LNPEP: variants seen among roughly 807,000 people sequenced by gnomAD.
The protein encoded by LNPEP is leucyl-cystinyl aminopeptidase.
LNPEP carries 64 observed loss-of-function variants against 120.6 expected under a neutral mutation model. The observed-to-expected ratio is 0.53, with a 90% CI of 0.43 to 0.65. The LOEUF (loss-of-function observed/expected upper bound fraction) is 0.65, where lower values mean the gene tolerates loss of function less well. Ranked by LOEUF, LNPEP falls within the 30% of genes least tolerant of loss-of-function variation. The pLI is 0.00. For missense variants in LNPEP, 1,057 were observed against 1,200.0 expected, an observed-to-expected ratio of 0.88 and a Z score of 1.76; for synonymous variants, 435 against 425.4, an observed-to-expected ratio of 1.02 and a Z score of -0.28.
intron 1 of LNPEP, among the ~76,000 whole-genome samples, chr5:96,939,564 A>T (rs1187717146): frequency 6.7e-6 from 1 of 150,366 alleles, no homozygotes; most frequent in Non-Finnish European, 1.5e-5. Flanking sequence ...AAAGGTTGGT[A>T]TTTTGGCATT....
At chr5:96,942,293 A>G (rs1377967543) in intron 1 of LNPEP, 1 of 152,194 alleles carries the variant, frequency 6.6e-6, no homozygotes, top group African/African-American at 2.4e-5. Context: ...CGCTCTCACC[A>G]AAAAACAGGT....
intron 13 of LNPEP, among the ~76,000 whole-genome samples, chr5:97,017,337 T>C (rs550966088): frequency 6.6e-6 from 1 of 152,264 alleles, no homozygotes; most frequent in Non-Finnish European, 1.5e-5. Flanking sequence ...TTTTTCTTGT[T>C]GATTTGTAAG....
At chr5:97,006,399 C>T in intron 10 of LNPEP, 28 bp from the exon 11 acceptor site, 1 of 1,374,764 alleles carries the variant, frequency 7.3e-7, no homozygotes, top group Non-Finnish European at 1.0e-6. Flanking sequence ...TCATATGTAA[C>T]TAATTTTCCA....
At chr5:97,008,707 C>G (rs911941527) in intron 11 of LNPEP, among the ~76,000 whole-genome samples, 54 of 135,058 alleles carry the variant, frequency 4.0e-4, no homozygotes, top group Admixed American at 9.4e-4. Flanking sequence ...CTCTGTTGCC[C>G]AGGTGAGAGT....
Position 97,029,759 on chromosome 5 carries a change from C to A in LNPEP, c.*1226C>A, listed in dbSNP as rs528639972. 1 of 151,882 alleles carries A rather than the reference C, an allele frequency of 6.6e-6. No homozygotes were observed. The highest frequency in any genetic ancestry group is 2.4e-5 in the African/African-American group (1 of 41,414). The allele number at this position is 151,882 out of a possible 1,614,324, so 9.4% of individuals were successfully genotyped here. On this transcript the variant is annotated 3_prime_UTR_variant, in exon 18 of 18. Transcript: ENST00000231368. Reference sequence around the variant, plus strand: ...GTTTTTCTTTTTTTGTGTGTCCAAACTAACATAAAAGGAGTGGTCAAAGAA... The same window carrying A: ...GTTTTTCTTTTTTTGTGTGTCCAAAATAACATAAAAGGAGTGGTCAAAGAA...
At chr5:96,945,110 G>C (rs1789155448) in intron 1 of LNPEP, among the ~76,000 whole-genome samples, 1 of 151,968 alleles carries the variant, frequency 6.6e-6, no homozygotes, top group African/African-American at 2.4e-5. Context: ...ATCAAAAAAA[G>C]ACCTGGGGTG....
intron 1 of LNPEP, among the ~76,000 whole-genome samples, chr5:96,963,834 A>G (rs1490742245): frequency 2.0e-5 from 3 of 152,218 alleles, no homozygotes; most frequent in Non-Finnish European, 2.9e-5. Context: ...TCTGTGCTAT[A>G]TAATGATCCA....
At chr5:97,004,449 T>C (rs1181310913) in intron 9 of LNPEP, among the ~76,000 whole-genome samples, 1 of 151,628 alleles carries the variant, frequency 6.6e-6, no homozygotes, top group African/African-American at 2.4e-5. Context: ...TAAGCAGAGG[T>C]TGCAGTGAGC....
intron 10 of LNPEP, 75 bp downstream of exon 10, chr5:97,006,308 AT>A: frequency 7.2e-7 from 1 of 1,397,720 alleles, no homozygotes; most frequent in Admixed American, 2.1e-5. Flanking sequence ...TTTTATAATC[AT>A]AAGTTCTTGT....
intron 1 of LNPEP, among the ~76,000 whole-genome samples, chr5:96,961,994 A>G (rs1435543245): frequency 6.6e-6 from 1 of 152,162 alleles, no homozygotes; most frequent in Non-Finnish European, 1.5e-5. Flanking sequence ...CCTTTTTTGA[A>G]TACCTACTAA....
intron 9 of LNPEP, among the ~76,000 whole-genome samples, chr5:97,005,700 T>C (rs1452198613): frequency 6.6e-6 from 1 of 152,240 alleles, no homozygotes; most frequent in Non-Finnish European, 1.5e-5. Flanking sequence ...TATTCATATC[T>C]TGTAGATGTT....
At position 96,954,830 on chromosome 5, in the gene LNPEP, T is replaced by A. The variant is rs372454707; in HGVS notation, c.19+18656T>A. ...CAGAGTCTTGCTCTGTCGCCCAGGC[T>A]GGAGTGCAGTGGCACGATCTCGGCT... is the stretch of plus-strand genomic sequence containing the variant. On this transcript the variant is annotated intron_variant, in intron 1 of 17. Coordinates refer to ENST00000231368, the MANE Select transcript of LNPEP (RefSeq NM_005575.3). Among the ~76,000 whole-genome samples the A allele has an allele frequency of 1.8e-4, 23 of 125,780 alleles. No individual in the cohort carries two copies. In the East Asian group the frequency reaches 4.4e-3, roughly 24 times the overall value. 82.5% of individuals were successfully genotyped at this position (125,780 alleles called of 152,430 possible). A position where few individuals can be genotyped will look rare whatever the true frequency, so the allele number is the denominator to read the frequency against.
At chr5:96,946,606 A>C (rs897791919) in intron 1 of LNPEP, among the ~76,000 whole-genome samples, 7 of 152,220 alleles carry the variant, frequency 4.6e-5, no homozygotes, top group Non-Finnish European at 7.3e-5. Context: ...GACTATTAGT[A>C]GAAAAAATGT....
intron 8 of LNPEP, 43 bp from the exon 9 acceptor site, chr5:97,003,372 T>G: frequency 2.6e-6 from 3 of 1,145,298 alleles, no homozygotes; most frequent in Non-Finnish European, 3.7e-6. Context: ...ATCTATAGTA[T>G]TCTATTATTT....
In LNPEP at chr5:97,025,240, A is replaced by T. The variant is rs141896260; in HGVS notation, c.2723+558A>T. Among the ~76,000 whole-genome samples, 12 of 152,262 alleles carry T rather than the reference A, an allele frequency of 7.9e-5. No homozygotes were observed. The East Asian group carries it at 2.3e-3, about 29-fold the overall frequency. On this transcript the variant is annotated intron_variant, in intron 15 of 17. Transcript: ENST00000231368. ...AGAGGAGCTCTACATAGCCAAGAGG[A>T]ATATAGAGGTATCTGCTGTAGAGAG...
rs570278666 is a variant in LNPEP at position 96,936,315 on chromosome 5, G to C, written c.19+141G>C. The C allele has an allele frequency of 3.6e-4, 213 of 590,756 alleles. No homozygotes were observed. The African/African-American group carries it at 3.8e-3, about 11-fold the overall frequency. The allele number at this position is 590,756 out of a possible 1,614,324, so 36.6% of individuals were successfully genotyped here. On this transcript the variant is annotated intron_variant, in intron 1 of 17. Coordinates refer to ENST00000231368, the MANE Select transcript of LNPEP (RefSeq NM_005575.3). ...ACGAGGGCTGAGGGAGGCAGGGAGAGGGGATCTGGGGGAGGCAGGGAGGTT... is the reference window on the plus strand; with the variant it reads ...ACGAGGGCTGAGGGAGGCAGGGAGACGGGATCTGGGGGAGGCAGGGAGGTT...
In LNPEP at chr5:97,015,083, C is replaced by T. The variant is rs1023644423; in HGVS notation, c.2364C>T (p.Ala788=). 1 of 1,566,450 alleles carries T rather than the reference C, an allele frequency of 6.4e-7. No individual in the cohort carries two copies. The highest frequency in any genetic ancestry group is 8.6e-7 in the Non-Finnish European group (1 of 1,159,438). ...AAAAACTGGGATACATGGATCTGGC[C>T]TCAAGACTGGTGGTAAGTCTGCCTT... is the stretch of plus-strand genomic sequence containing the variant. ...LLEKLGYMDL[A]SRLVTRVFKL... Residue 788 remains alanine (A), a synonymous_variant, in exon 13 of 18, where the codon GCC becomes GCT. Coordinates refer to ENST00000231368, the MANE Select transcript of LNPEP (RefSeq NM_005575.3).
intron 6 of LNPEP, 158 bp from the exon 7 acceptor site, chr5:96,996,232 A>C: frequency 4.2e-6 from 2 of 471,840 alleles, no homozygotes; most frequent in Non-Finnish European, 7.6e-6. Context: ...GTAAGTTCTA[A>C]ATTAATTTGA....
In LNPEP at chr5:97,018,090, G is replaced by A. The variant is rs114529766; in HGVS notation, c.2376+2995G>A. Among the ~76,000 whole-genome samples, 740 of 152,086 alleles carry A rather than the reference G, an allele frequency of 4.9e-3. 11 individuals are homozygous for A. Among genetic ancestry groups the A allele is most frequent in the African/African-American group, 0.016 (661 of 41,474 alleles). On this transcript the variant is annotated intron_variant, in intron 13 of 17. Coordinates refer to ENST00000231368, the MANE Select transcript of LNPEP (RefSeq NM_005575.3). ...TGCAAAGACCCTATTCCTAAATGAG[G>A]TCATATTCATAGGTCCCAGGCAGAC...
Sources: allele counts gnomAD v4.1 joint callset (sites outside exome capture counted in the v4.1 genomes callset), GRCh38; gene constraint gnomAD v4.1.1; transcripts MANE v1.5; gene names NCBI Gene and HGNC (gene_info 2026-07-23, HGNC 2026-07-21).